RYR3: variants seen among roughly 807,000 people sequenced by gnomAD.
RYR3 encodes the protein ryanodine receptor 3.
A neutral mutation model predicts 584.3 loss-of-function variants in RYR3; 207 were observed. The ratio of observed to expected loss-of-function variants is 0.35; its 90% confidence interval spans 0.32 to 0.40. The LOEUF (loss-of-function observed/expected upper bound fraction) is 0.40. Ranked by LOEUF, RYR3 falls within the 10% of genes least tolerant of loss-of-function variation. The pLI is 1.00. For synonymous variants in RYR3, 2,416 were observed against 2,248.5 expected, an observed-to-expected ratio of 1.07 and a Z score of -2.11; for missense variants, 5,616 against 6,089.2, an observed-to-expected ratio of 0.92 and a Z score of 2.59.
chr15:33,522,593 G>A (rs1389531995), intron 3 of RYR3, among the ~76,000 whole-genome samples: 1 of 152,206 alleles, frequency 6.6e-6, no homozygotes, highest in Non-Finnish European at 1.5e-5. Flanking sequence ...AGCCACAGGA[G>A]GTAGAGAGAA....
At chr15:33,582,230 A>C (rs749772363) in intron 14 of RYR3, among the ~76,000 whole-genome samples, 2 of 152,208 alleles carry the variant, frequency 1.3e-5, no homozygotes, top group Non-Finnish European at 2.9e-5. Context: ...TGGGAGGCAG[A>C]GAGAAGACAG....
chr15:33,394,919 C>A (rs1239010629), intron 1 of RYR3, among the ~76,000 whole-genome samples: 1 of 151,982 alleles, frequency 6.6e-6, no homozygotes, highest in Non-Finnish European at 1.5e-5. Context: ...CAGTATAATG[C>A]CAGACATGAG....
At chr15:33,629,130 T>A (rs8024924) in intron 21 of RYR3, among the ~76,000 whole-genome samples, 8,720 of 152,326 alleles carry the variant, frequency 0.057, 244 homozygotes, top group Middle Eastern at 0.085. Flanking sequence ...ACTTGTGTAT[T>A]TATATAGCTA....
chr15:33,859,494 GA>G, intron 99 of RYR3, 80 bp from the exon 100 acceptor site: 1 of 1,521,176 alleles, frequency 6.6e-7, no homozygotes, highest in East Asian at 2.3e-5. Context: ...CAATCTGACC[GA>G]ATCATATGAA....
chr15:33,549,093 G>A (rs747712866), intron 9 of RYR3, among the ~76,000 whole-genome samples: 8 of 151,852 alleles, frequency 5.3e-5, no homozygotes, highest in Admixed American at 2.6e-4. Flanking sequence ...ATAAATTGGC[G>A]GCTGATGGTT....
intron 3 of RYR3, among the ~76,000 whole-genome samples, chr15:33,509,627 T>A (rs1595367712): frequency 6.6e-6 from 1 of 152,250 alleles, no homozygotes; most frequent in Non-Finnish European, 1.5e-5. Context: ...TAAGATTTCC[T>A]TTTTAAGTCA....
intron 86 of RYR3, among the ~76,000 whole-genome samples, chr15:33,833,865 G>A (rs556774604): frequency 1.3e-5 from 2 of 152,284 alleles, no homozygotes; most frequent in African/African-American, 4.8e-5. Flanking sequence ...AGAAATTAGG[G>A]TAATATATGT....
intron 1 of RYR3, among the ~76,000 whole-genome samples, chr15:33,323,050 C>G (rs1969195059): frequency 6.6e-6 from 1 of 151,518 alleles, no homozygotes; most frequent in Non-Finnish European, 1.5e-5. Context: ...AAGCACAATG[C>G]CTGGCTTGTA....
At chr15:33,805,640 G>A (rs977198899) in intron 69 of RYR3, among the ~76,000 whole-genome samples, 5 of 151,658 alleles carry the variant, frequency 3.3e-5, no homozygotes, top group African/African-American at 1.2e-4. Flanking sequence ...ACCACGCCCG[G>A]CTAATTTTTT....
At chr15:33,687,643 A>G (rs1327582841) in intron 38 of RYR3, among the ~76,000 whole-genome samples, 1 of 152,254 alleles carries the variant, frequency 6.6e-6, no homozygotes, top group Non-Finnish European at 1.5e-5. Context: ...TGGAGGCATC[A>G]CACTACTGAT....
chr15:33,769,624 A>G (rs937391359), intron 62 of RYR3, among the ~76,000 whole-genome samples: 4 of 152,218 alleles, frequency 2.6e-5, no homozygotes, highest in South Asian at 2.1e-4. Flanking sequence ...AAAATAATAC[A>G]TAAGTTCTGG....
chr15:33,536,412 A>T (rs565644659), intron 5 of RYR3, among the ~76,000 whole-genome samples: 1 of 152,226 alleles, frequency 6.6e-6, no homozygotes, highest in East Asian at 1.9e-4. Flanking sequence ...TGTTTTTAGG[A>T]TTTAGATATA....
intron 3 of RYR3, among the ~76,000 whole-genome samples, chr15:33,527,653 T>C (rs573749410): frequency 2.0e-5 from 3 of 152,294 alleles, no homozygotes; most frequent in South Asian, 4.1e-4. Context: ...TCTGCCCTTT[T>C]ACAGAAAAAA....
intron 1 of RYR3, among the ~76,000 whole-genome samples, chr15:33,423,721 A>G (rs2044404926): frequency 6.6e-6 from 1 of 151,908 alleles, no homozygotes; most frequent in South Asian, 2.1e-4. Flanking sequence ...TTGTGCTCTT[A>G]TGCACCCTGG....
chr15:33,631,520 T>C (rs1314716036), intron 23 of RYR3, among the ~76,000 whole-genome samples: 2 of 152,096 alleles, frequency 1.3e-5, no homozygotes, highest in Admixed American at 6.5e-5. Flanking sequence ...CTCACACTAA[T>C]ATTGTTAGTT....
chr15:33,782,855 GA>G (rs2074467031), intron 65 of RYR3, among the ~76,000 whole-genome samples: 1 of 152,090 alleles, frequency 6.6e-6, no homozygotes, highest in Admixed American at 6.6e-5. Context: ...GATATACCTA[GA>G]AAAAGTTTAA....
intron 3 of RYR3, among the ~76,000 whole-genome samples, chr15:33,521,702 C>A (rs972679044): frequency 6.6e-6 from 1 of 152,072 alleles, no homozygotes. Context: ...GTGGGGCTCC[C>A]TGGAGTCAAG....
chr15:33,815,732 G>A (rs1016174472), intron 74 of RYR3: 38 of 393,556 alleles, frequency 9.7e-5, no homozygotes, highest in East Asian at 2.2e-4. Flanking sequence ...TCATCTAACC[G>A]CACAGAATCT....
At chr15:33,776,269 T>G (rs1320396133) in intron 64 of RYR3, among the ~76,000 whole-genome samples, 1 of 152,186 alleles carries the variant, frequency 6.6e-6, no homozygotes, top group Admixed American at 6.5e-5. Context: ...GTTTTCTAAT[T>G]GAGACAACAA....
Sources: allele counts gnomAD v4.1 joint callset (sites outside exome capture counted in the v4.1 genomes callset), GRCh38; gene constraint gnomAD v4.1.1; transcripts MANE v1.5; gene names NCBI Gene and HGNC (gene_info 2026-07-23, HGNC 2026-07-21).